The following DPY19L3 variants were observed in gnomAD, a reference collection of about 807,000 sequenced individuals.
The protein encoded by DPY19L3 is protein C-mannosyl-transferase DPY19L3.
A neutral mutation model predicts 92.3 loss-of-function variants in DPY19L3; 51 were observed. That is an observed-to-expected ratio of 0.55 (90% CI 0.44 to 0.70). The LOEUF (loss-of-function observed/expected upper bound fraction) is 0.70. Among genes scored for constraint, DPY19L3 ranks in the 30% least tolerant of loss-of-function variants. The pLI, the probability that DPY19L3 is intolerant of heterozygous loss-of-function variation, is 0.00. For missense variants in DPY19L3, 706 were observed against 855.9 expected, an observed-to-expected ratio of 0.82 and a Z score of 2.18; for synonymous variants, 309 against 315.2, an observed-to-expected ratio of 0.98 and a Z score of 0.21.
At chr19:32,447,799 ATTC>A (rs71692500) in intron 8 of DPY19L3, among the ~76,000 whole-genome samples, 15,949 of 95,586 alleles carry the variant, frequency 0.17, 964 homozygotes, top group African/African-American at 0.27. Context: ...ACTCCATCTC[ATTC>A]ATAGATAGAT....
intron 3 of DPY19L3, among the ~76,000 whole-genome samples, chr19:32,415,951 A>G (rs928647554): frequency 3.3e-5 from 5 of 152,228 alleles, no homozygotes; most frequent in African/African-American, 1.2e-4. Context: ...CAAAACCTAC[A>G]TGATATTATA....
chr19:32,477,549 T>A lies in DPY19L3; in HGVS notation c.1725T>A (p.Phe575Leu). 1 of 1,614,158 alleles carries A rather than the reference T, an allele frequency of 6.2e-7. No individual in the cohort carries two copies. Among genetic ancestry groups the A allele is most frequent in the Non-Finnish European group, 8.5e-7 (1 of 1,180,028 alleles). The change falls in exon 17 of 19, where the codon TTT becomes TTA. Residue 575 changes from phenylalanine to leucine, a missense_variant. Coordinates refer to ENST00000392250, the MANE Select transcript of DPY19L3 (RefSeq NM_001172774.2). ...INSNTPRKAV[F>L]AGSMQLLAGV... ...CTAACACTCCAAGAAAGGCTGTGTT[T>A]GCGGGAAGCATGCAGTTGCTGGCCG...
At chr19:32,480,795 CAG>C in intron 18 of DPY19L3, 1 of 570,728 alleles carries the variant, frequency 1.8e-6, no homozygotes, top group Non-Finnish European at 3.1e-6. Context: ...TCACACCAAA[CAG>C]AGCAGCTCTG....
intron 16 of DPY19L3, among the ~76,000 whole-genome samples, chr19:32,475,219 A>T (rs979531258): frequency 2.6e-5 from 4 of 152,176 alleles, no homozygotes; most frequent in African/African-American, 9.7e-5. Context: ...CAAAACGGTG[A>T]TGGTGAGATA....
chr19:32,449,295 A>C (rs940847544), intron 8 of DPY19L3, among the ~76,000 whole-genome samples: 2 of 152,216 alleles, frequency 1.3e-5, no homozygotes, highest in African/African-American at 4.8e-5. Flanking sequence ...TTGGAAAGAT[A>C]ATTCACGTTC....
intron 16 of DPY19L3, 174 bp from the exon 17 acceptor site, chr19:32,477,348 G>T: frequency 5.8e-6 from 4 of 690,870 alleles, no homozygotes; most frequent in Non-Finnish European, 4.5e-6. Flanking sequence ...AATTACTTTT[G>T]CACTCAATAG....
At chr19:32,421,285 T>C (rs1317088112) in intron 3 of DPY19L3, among the ~76,000 whole-genome samples, 1 of 152,190 alleles carries the variant, frequency 6.6e-6, no homozygotes, top group Non-Finnish European at 1.5e-5. Context: ...AAATAGATAA[T>C]CAAGTTCCAG....
chr19:32,434,100 A>G (rs1393441665), intron 4 of DPY19L3, among the ~76,000 whole-genome samples: 1 of 152,172 alleles, frequency 6.6e-6, no homozygotes, highest in Non-Finnish European at 1.5e-5. Context: ...CTTGTTATTC[A>G]CAGATTCCAT....
At chr19:32,440,535 C>G (rs1170796555) in intron 8 of DPY19L3, among the ~76,000 whole-genome samples, 1 of 152,190 alleles carries the variant, frequency 6.6e-6, no homozygotes, top group Non-Finnish European at 1.5e-5. Flanking sequence ...TTCTCCATAT[C>G]TAAGGCAGCA....
chr19:32,447,961 TCAG>T (rs1230861192), intron 8 of DPY19L3, among the ~76,000 whole-genome samples: 1 of 152,100 alleles, frequency 6.6e-6, no homozygotes, highest in Non-Finnish European at 1.5e-5. Flanking sequence ...AGTTCTGATC[TCAG>T]GAAGAGTGGG....
chr19:32,406,573 A>G (rs1967959185), intron 1 of DPY19L3, among the ~76,000 whole-genome samples: 1 of 151,890 alleles, frequency 6.6e-6, no homozygotes, highest in Non-Finnish European at 1.5e-5. Context: ...GCTGGTCTCA[A>G]ACTCATGGTC....
chr19:32,453,240 T>C lies in DPY19L3; in HGVS notation c.951T>C (p.Ser317=), dbSNP rs1969763044. ...TGATTCTTGGATCACTGCTTATCAG[T>C]TTTAACCTTTCAGTATTCATTGCAA... ...NSMILGSLLI[S]FNLSVFIARK... The change falls in exon 9 of 19, where the codon AGT becomes AGC. Residue 317 remains serine, a synonymous_variant. Transcript: ENST00000392250. The C allele has an allele frequency of 6.2e-7, 1 of 1,613,750 alleles. No individual in the cohort carries two copies. Among genetic ancestry groups the C allele is most frequent in the African/African-American group, 1.3e-5 (1 of 74,926 alleles).
At chr19:32,406,486 A>C (rs901945103) in intron 1 of DPY19L3, among the ~76,000 whole-genome samples, 3 of 151,790 alleles carry the variant, frequency 2.0e-5, no homozygotes, top group Admixed American at 6.6e-5. Flanking sequence ...CAGCCTCTGG[A>C]GTAGCTGGGA....
chr19:32,427,352 C>G (rs1233389191), intron 3 of DPY19L3, among the ~76,000 whole-genome samples: 1 of 152,124 alleles, frequency 6.6e-6, no homozygotes, highest in African/African-American at 2.4e-5. Flanking sequence ...ATTCTTGCAC[C>G]TTTTTGTTTC....
intron 8 of DPY19L3, among the ~76,000 whole-genome samples, chr19:32,443,865 G>A (rs780840259): frequency 3.3e-5 from 5 of 152,028 alleles, no homozygotes; most frequent in Admixed American, 6.5e-5. Context: ...AGATCAGCCC[G>A]GGCAACATGG....
At chr19:32,460,247 AAAG>A (rs1053890626) in intron 12 of DPY19L3, among the ~76,000 whole-genome samples, 1 of 152,240 alleles carries the variant, frequency 6.6e-6, no homozygotes, top group South Asian at 2.1e-4. Context: ...CGGAAAAAAA[AAAG>A]AAAAAGAAAA....
rs150621326 is a variant in DPY19L3, at chr19:32,439,225, C to T, written c.710C>T (p.Pro237Leu). ...TATTTCCTGAGACCAAACTTACAGC[C>T]TCTTTCTGAAGTAAGTGTTTATAAA... Reference protein sequence around the residue: ...ITYFLRPNLQPLSERLTLLAI... With the variant: ...ITYFLRPNLQLLSERLTLLAI... The change falls in exon 7 of 19, where the codon CCT (proline) becomes CTT (leucine). Residue 237 changes from proline (P) to leucine (L), a missense_variant. Transcript: ENST00000392250. 90 of 1,611,984 alleles carry T rather than the reference C, an allele frequency of 5.6e-5. No homozygotes were observed. The African/African-American group carries it at 1.2e-3, about 21-fold the overall frequency.
chr19:32,480,235 C>T (rs572257645), intron 17 of DPY19L3, among the ~76,000 whole-genome samples, 164 bp from the exon 18 acceptor site: 2 of 152,342 alleles, frequency 1.3e-5, no homozygotes, highest in African/African-American at 2.4e-5. Context: ...CTTCCACGCA[C>T]ACACTCCAGG....
chr19:32,433,234 C>T (rs912460463), intron 4 of DPY19L3, among the ~76,000 whole-genome samples: 3 of 152,086 alleles, frequency 2.0e-5, no homozygotes, highest in African/African-American at 7.2e-5. Context: ...TTTTACTTCC[C>T]CTAAGTGGGT....
Sources: allele counts gnomAD v4.1 joint callset (sites outside exome capture counted in the v4.1 genomes callset), GRCh38; gene constraint gnomAD v4.1.1; transcripts MANE v1.5; gene names NCBI Gene and HGNC (gene_info 2026-07-23, HGNC 2026-07-21).